SOX9: variants seen among roughly 807,000 people sequenced by gnomAD.
The protein encoded by SOX9 is SRY-box transcription factor 9.
SOX9 carries 2 observed loss-of-function variants against 44.8 expected under a neutral mutation model. That is an observed-to-expected ratio of 0.04 (90% CI 0.02 to 0.14). SOX9 has a LOEUF of 0.14. SOX9 is among the 10% of genes least tolerant of loss of function. The pLI, the probability that SOX9 is intolerant of heterozygous loss-of-function variation, is 1.00. For missense variants in SOX9, 583 were observed against 728.6 expected (o/e 0.80, Z 2.30); for synonymous variants, 381 against 331.8 (o/e 1.15, Z -1.61).
chr17:72,123,956 C>A lies in SOX9; in HGVS notation c.1099C>A (p.Pro367Thr), dbSNP rs542727010. The change falls in exon 3 of 3, where the codon CCA (proline) becomes ACA (threonine). Residue 367 changes from proline (P) to threonine (T), a missense_variant. Around this residue, in one of 7 missense-constraint regions of SOX9, gnomAD observed 349 missense variants for 387.0 expected, o/e 0.90. Coordinates refer to ENST00000245479, the MANE Select transcript of SOX9 (RefSeq NM_000346.4). This position sits in a 1 kb window ranked among gnomAD's most constrained non-coding sequence, Gnocchi z 6.5. ...QAPPQPQAAP[P>T]QQPAAPPQQP... ...GCCCCCGCAGCCGCAGGCGGCGCCC[C>A]CACAGCAGCCGGCGGCACCCCCGCA... 1 of 1,450,536 alleles carries A rather than the reference C, an allele frequency of 6.9e-7. No individual in the cohort carries two copies. The highest frequency in any genetic ancestry group is 9.1e-7 in the Non-Finnish European group (1 of 1,104,480). The allele number at this position is 1,450,536 out of a possible 1,614,324, so 89.9% of individuals were successfully genotyped here. A position where few individuals can be genotyped will look rare whatever the true frequency, so the allele number is the denominator to read the frequency against.
chr17:72,123,859 G>T lies in SOX9; in HGVS notation c.1002G>T (p.Val334=). ...CCACCCCGGCGAGCGCGGGCCACGT[G>T]TGGATGTCCAAGCAGCAGGCGCCGC... ...TAATPASAGH[V]WMSKQQAPPP... Residue 334 remains valine, a synonymous_variant, in exon 3 of 3, where the codon GTG becomes GTT. Transcript: ENST00000245479. This position sits in a 1 kb window ranked among gnomAD's most constrained non-coding sequence, Gnocchi z 6.5. 1.3e-6 allele frequency: 2 copies of T among 1,579,594 alleles called. No homozygotes were observed. The highest frequency in any genetic ancestry group is 1.7e-6 in the Non-Finnish European group (2 of 1,164,114).
In SOX9 at chr17:72,121,140, C is replaced by T. The variant is rs867825417; in HGVS notation, c.-252C>T. The T allele has an allele frequency of 3.5e-4, 202 of 571,596 alleles. 1 individual carries two copies. The Middle Eastern group carries it at 7.4e-3, about 21-fold the overall frequency. 35.4% of individuals were successfully genotyped at this position (571,596 alleles called of 1,614,324 possible). ...AAGAGAAGGGGTGCAAGCGCCCCCA[C>T]TTTTGCTCTTTTTCCTCCCCTCCTC... On this transcript the variant is annotated 5_prime_UTR_variant, in exon 1 of 3. Coordinates refer to ENST00000245479, the MANE Select transcript of SOX9 (RefSeq NM_000346.4). This position sits in a 1 kb window ranked among gnomAD's most constrained non-coding sequence, Gnocchi z 8.3.
rs1455014392 is a variant in SOX9, at chr17:72,123,754, G to C, written c.897G>C (p.Pro299=). 11 of 1,613,454 alleles carry C rather than the reference G, an allele frequency of 6.8e-6. No individual in the cohort carries two copies. The Admixed American group carries it at 1.8e-4, about 27-fold the overall frequency. Residue 299 remains proline (P), a synonymous_variant, in exon 3 of 3, where the codon CCG becomes CCC. Coordinates refer to ENST00000245479, the MANE Select transcript of SOX9 (RefSeq NM_000346.4). The surrounding 1 kb of genome is among the most constrained non-coding windows in gnomAD (Gnocchi z 6.5). The part of the protein sequence containing the change: ...FDVNEFDQYL[P]PNGHPGVPAT... ...TCAACGAGTTTGACCAGTACCTGCC[G>C]CCCAACGGCCACCCGGGGGTGCCGG... is the stretch of plus-strand genomic sequence containing the variant.
In SOX9 at chr17:72,124,290, C is replaced by T. The variant is rs2143257987; in HGVS notation, c.1433C>T (p.Thr478Ile). 4.3e-6 allele frequency: 7 copies of T among 1,610,190 alleles called. No individual in the cohort carries two copies. Among genetic ancestry groups the T allele is most frequent in the Non-Finnish European group, 5.9e-6 (7 of 1,179,992 alleles). ...YMNPAQRPMY[T>I]PIADTSGVPS... Reference sequence around the variant, plus strand: ...AACCCCGCTCAGCGCCCCATGTACACCCCCATCGCCGACACCTCTGGGGTC... The same window carrying T: ...AACCCCGCTCAGCGCCCCATGTACATCCCCATCGCCGACACCTCTGGGGTC... Residue 478 changes from threonine to isoleucine, a missense_variant, in exon 3 of 3, where the codon ACC becomes ATC. Transcript: ENST00000245479. This position sits in a 1 kb window ranked among gnomAD's most constrained non-coding sequence, Gnocchi z 4.6.
At position 72,123,119 on chromosome 17, in the gene SOX9, AC is replaced by A; in HGVS notation, c.685+150del. 1 of 956,348 alleles carries A rather than the reference AC, an allele frequency of 1.0e-6. No homozygotes were observed. The highest frequency in any genetic ancestry group is 1.6e-6 in the Non-Finnish European group (1 of 631,054). 59.2% of individuals were successfully genotyped at this position (956,348 alleles called of 1,614,324 possible). On this transcript the variant is annotated intron_variant, in intron 2 of 2. Coordinates refer to ENST00000245479, the MANE Select transcript of SOX9 (RefSeq NM_000346.4). This position sits in a 1 kb window ranked among gnomAD's most constrained non-coding sequence, Gnocchi z 6.5. ...TTGCGCCCGTCCCGCTCCCCTCTCTACCCAGAGCCTAAGAGGCATCCAAACA... is the reference window on the plus strand; with the variant it reads ...TTGCGCCCGTCCCGCTCCCCTCTCTACCAGAGCCTAAGAGGCATCCAAACA...
At position 72,126,177 on chromosome 17, in the gene SOX9, T is replaced by G. The variant is rs921279891; in HGVS notation, c.*1790T>G. The G allele has an allele frequency of 4.3e-6, 1 of 232,686 alleles. No homozygotes were observed. The highest frequency in any genetic ancestry group is 8.5e-6 in the Non-Finnish European group (1 of 117,552). 14.4% of individuals were successfully genotyped at this position (232,686 alleles called of 1,614,324 possible). ...CACTCATAATATGGCATCCTTCAAT[T>G]TCTGTATAAAAGCAGATCTTTTTAA... On this transcript the variant is annotated 3_prime_UTR_variant, in exon 3 of 3. Coordinates refer to ENST00000245479, the MANE Select transcript of SOX9 (RefSeq NM_000346.4).
chr17:72,124,820 A>G lies in SOX9; in HGVS notation c.*433A>G. The G allele has an allele frequency of 2.8e-6, 1 of 354,970 alleles. No homozygotes were observed. Among genetic ancestry groups the G allele is most frequent in the Non-Finnish European group, 5.3e-6 (1 of 190,430 alleles). The allele number at this position is 354,970 out of a possible 1,614,324, so 22.0% of individuals were successfully genotyped here. A position where few individuals can be genotyped will look rare whatever the true frequency, so the allele number is the denominator to read the frequency against. ...AAGTCCTCTGTGAGGAATATTCTCT[A>G]TTTTAAATATTTTTAGTATGTACTG... On this transcript the variant is annotated 3_prime_UTR_variant, in exon 3 of 3. Coordinates refer to ENST00000245479, the MANE Select transcript of SOX9 (RefSeq NM_000346.4). The surrounding 1 kb of genome is among the most constrained non-coding windows in gnomAD (Gnocchi z 4.6).
rs1370029373 is a variant in SOX9 at position 72,121,562 on chromosome 17, G to T, written c.171G>T (p.Glu57Asp). 3.1e-6 allele frequency: 5 copies of T among 1,609,312 alleles called. No individual in the cohort carries two copies. Among genetic ancestry groups the T allele is most frequent in the African/African-American group, 1.3e-5 (1 of 74,936 alleles). ...RPQENTFPKG[E>D]PDLKKESEED... ...AGGAGAACACGTTCCCCAAGGGCGA[G>T]CCCGATCTGAAGAAGGAGAGCGAGG... is the stretch of plus-strand genomic sequence containing the variant. The change falls in exon 1 of 3, where the codon GAG becomes GAT. Residue 57 changes from glutamate to aspartate, a missense_variant. Around this residue, in one of 7 missense-constraint regions of SOX9, gnomAD observed 101 missense variants for 98.6 expected, o/e 1.02. Transcript: ENST00000245479. This position sits in a 1 kb window ranked among gnomAD's most constrained non-coding sequence, Gnocchi z 8.3.
rs1449277779 is a variant in SOX9, at chr17:72,121,760, C to T, written c.369C>T (p.Leu123=). ...MVWAQAARRK[L]ADQYPHLHNA... ...GGGCGCAGGCGGCGCGCAGGAAGCT[C>T]GCGGACCAGTACCCGCACTTGCACA... The change falls in exon 1 of 3, where the codon CTC becomes CTT. Residue 123 remains leucine, a synonymous_variant. Coordinates refer to ENST00000245479, the MANE Select transcript of SOX9 (RefSeq NM_000346.4). The surrounding 1 kb of genome is among the most constrained non-coding windows in gnomAD (Gnocchi z 8.3). The T allele has an allele frequency of 2.5e-6, 4 of 1,601,072 alleles. No individual in the cohort carries two copies. The highest frequency in any genetic ancestry group is 1.3e-5 in the African/African-American group (1 of 74,884).
rs1908269512 is a variant in SOX9 at position 72,125,890 on chromosome 17, TTA to T, written c.*1507_*1508del. 2 of 232,360 alleles carry T rather than the reference TTA, an allele frequency of 8.6e-6. No homozygotes were observed. Among genetic ancestry groups the T allele is most frequent in the East Asian group, 6.1e-5 (1 of 16,446 alleles). The allele number at this position is 232,360 out of a possible 1,614,324, so 14.4% of individuals were successfully genotyped here. A position where few individuals can be genotyped will look rare whatever the true frequency, so the allele number is the denominator to read the frequency against. ...TTCTGCCACAGACCTTTGGGCTGCC[TTA>T]TATTGTGTGTGTGTGTGGGTGTGTG... On this transcript the variant is annotated 3_prime_UTR_variant, in exon 3 of 3. Coordinates refer to ENST00000245479, the MANE Select transcript of SOX9 (RefSeq NM_000346.4).
rs761105285 is a variant in SOX9 at position 72,123,850 on chromosome 17, G to A, written c.993G>A (p.Ala331=). The change falls in exon 3 of 3, where the codon GCG becomes GCA. Residue 331 remains alanine, a synonymous_variant. Transcript: ENST00000245479. The surrounding 1 kb of genome is among the most constrained non-coding windows in gnomAD (Gnocchi z 6.5). ...ISSTAATPAS[A]GHVWMSKQQA... ...GCACCGCGGCCACCCCGGCGAGCGC[G>A]GGCCACGTGTGGATGTCCAAGCAGC... 9.3e-4 allele frequency: 1,476 copies of A among 1,591,168 alleles called. 2 individuals carry two copies. The highest frequency in any genetic ancestry group is 1.2e-3 in the Non-Finnish European group (1,420 of 1,170,226).
In SOX9 at chr17:72,124,481, GTTTT is replaced by G; in HGVS notation, c.*98_*101del. 6 of 1,427,928 alleles carry G rather than the reference GTTTT, an allele frequency of 4.2e-6. No individual in the cohort carries two copies. The highest frequency in any genetic ancestry group is 5.8e-6 in the Non-Finnish European group (6 of 1,029,514). The allele number at this position is 1,427,928 out of a possible 1,614,324, so 88.5% of individuals were successfully genotyped here. A position where few individuals can be genotyped will look rare whatever the true frequency, so the allele number is the denominator to read the frequency against. On this transcript the variant is annotated 3_prime_UTR_variant, in exon 3 of 3. Transcript: ENST00000245479. The surrounding 1 kb of genome is among the most constrained non-coding windows in gnomAD (Gnocchi z 4.6). ...ACCAGAATTCCCTTTGGACATTTGT[GTTTT>G]TTTGTTTTTTTATTTTGTTTTGTTT...
chr17:72,125,356 C>G lies in SOX9; in HGVS notation c.*969C>G, dbSNP rs1301650901. 1 of 228,052 alleles carries G rather than the reference C, an allele frequency of 4.4e-6. No individual in the cohort carries two copies. The highest frequency in any genetic ancestry group is 5.7e-5 in the Admixed American group (1 of 17,558). The allele number at this position is 228,052 out of a possible 1,614,324, so 14.1% of individuals were successfully genotyped here. ...GCAAGCAAAGGAGATGAAATCTGTTCTGGGAATGTTTCAGCAGCCAATAAG... is the reference window on the plus strand; with the variant it reads ...GCAAGCAAAGGAGATGAAATCTGTTGTGGGAATGTTTCAGCAGCCAATAAG... On this transcript the variant is annotated 3_prime_UTR_variant, in exon 3 of 3. Coordinates refer to ENST00000245479, the MANE Select transcript of SOX9 (RefSeq NM_000346.4).
rs1908097852 is a variant in SOX9 at position 72,121,655 on chromosome 17, G to A, written c.264G>A (p.Leu88=). 6.2e-7 allele frequency: 1 copy of A among 1,600,120 alleles called. No homozygotes were observed. Among genetic ancestry groups the A allele is most frequent in the Non-Finnish European group, 8.5e-7 (1 of 1,173,874 alleles). The change falls in exon 1 of 3, where the codon CTG becomes CTA. Residue 88 remains leucine (L), a synonymous_variant. Transcript: ENST00000245479. This position sits in a 1 kb window ranked among gnomAD's most constrained non-coding sequence, Gnocchi z 8.3. ...TGCTCAAAGGCTACGACTGGACGCT[G>A]GTGCCCATGCCGGTGCGCGTCAACG... ...SQVLKGYDWT[L]VPMPVRVNGS...
chr17:72,124,385 TGAG>T lies in SOX9; in HGVS notation c.*3_*5del, dbSNP rs756624541. 2 of 1,600,076 alleles carry T rather than the reference TGAG, an allele frequency of 1.2e-6. No homozygotes were observed. Among genetic ancestry groups the T allele is most frequent in the Admixed American group, 1.7e-5 (1 of 60,020 alleles). On this transcript the variant is annotated stop_retained_variant and 3_prime_UTR_variant, in exon 3 of 3. Coordinates refer to ENST00000245479, the MANE Select transcript of SOX9 (RefSeq NM_000346.4). The surrounding 1 kb of genome is among the most constrained non-coding windows in gnomAD (Gnocchi z 4.6). The stretch of plus-strand genomic sequence containing the variant: ...CGTCTACACACAGCTCACTCGACCT[TGAG>T]GAGGCCTCCCACGAAGGGCGAAGAT...
At position 72,123,992 on chromosome 17, in the gene SOX9, G is replaced by T; in HGVS notation, c.1135G>T (p.Ala379Ser). The T allele has an allele frequency of 1.3e-6, 2 of 1,590,790 alleles. No individual in the cohort carries two copies. The highest frequency in any genetic ancestry group is 1.1e-5 in the South Asian group (1 of 88,842). The change falls in exon 3 of 3, where the codon GCG (alanine) becomes TCG (serine). Residue 379 changes from alanine to serine, a missense_variant. Physicochemically the swap from Ala to Ser is moderately conservative, Grantham distance 99. Transcript: ENST00000245479. This position sits in a 1 kb window ranked among gnomAD's most constrained non-coding sequence, Gnocchi z 6.5. The part of the protein sequence containing the change: ...QPAAPPQQPQ[A>S]HTLTTLSSEP... ...GGCGGCACCCCCGCAGCAGCCACAG[G>T]CGCACACGCTGACCACGCTGAGCAG...
Position 72,121,295 on chromosome 17 carries a change from C to G in SOX9, c.-97C>G. ...CCCCGGGAGCCGCTTGCTCCGCATC[C>G]GGGCAGCCGAGGGGAGAGGAGCCCG... On this transcript the variant is annotated 5_prime_UTR_variant, in exon 1 of 3. Coordinates refer to ENST00000245479, the MANE Select transcript of SOX9 (RefSeq NM_000346.4). This position sits in a 1 kb window ranked among gnomAD's most constrained non-coding sequence, Gnocchi z 8.3. 8.7e-7 allele frequency: 1 copy of G among 1,153,718 alleles called. No homozygotes were observed. Among genetic ancestry groups the G allele is most frequent in the Non-Finnish European group, 1.3e-6 (1 of 786,714 alleles). 71.5% of individuals were successfully genotyped at this position (1,153,718 alleles called of 1,614,324 possible).
Position 72,124,681 on chromosome 17 carries a change from T to A in SOX9, c.*294T>A, listed in dbSNP as rs1908230066. 1.9e-6 allele frequency: 1 copy of A among 528,904 alleles called. No individual in the cohort carries two copies. Among genetic ancestry groups the A allele is most frequent in the South Asian group, 2.1e-5 (1 of 48,368 alleles). 32.8% of individuals were successfully genotyped at this position (528,904 alleles called of 1,614,324 possible). ...GAAATCAACGAGAAACTGGACTTTT[T>A]AAACCCTCTTCAGAGCAAGCGTGGA... On this transcript the variant is annotated 3_prime_UTR_variant, in exon 3 of 3. Coordinates refer to ENST00000245479, the MANE Select transcript of SOX9 (RefSeq NM_000346.4). This position sits in a 1 kb window ranked among gnomAD's most constrained non-coding sequence, Gnocchi z 4.6.
In SOX9 at chr17:72,121,951, G is replaced by A. The variant is rs1908109687; in HGVS notation, c.431+129G>A. The A allele has an allele frequency of 8.6e-7, 1 of 1,163,786 alleles. No individual in the cohort carries two copies. The highest frequency in any genetic ancestry group is 1.2e-6 in the Non-Finnish European group (1 of 849,450). 72.1% of individuals were successfully genotyped at this position (1,163,786 alleles called of 1,614,324 possible). On this transcript the variant is annotated intron_variant, in intron 1 of 2. Coordinates refer to ENST00000245479, the MANE Select transcript of SOX9 (RefSeq NM_000346.4). The surrounding 1 kb of genome is among the most constrained non-coding windows in gnomAD (Gnocchi z 8.3). ...CCGTTCCGGGAGCCGGCGGGATGGG[G>A]TTGGGAGTGGGAATGGGGTGTAACT... is the stretch of plus-strand genomic sequence containing the variant.
Sources: gnomAD v4.1 joint callset for allele counts on GRCh38, gnomAD v4.1.1 for gene constraint, gnomAD v4.1.1 regional missense constraint, Gnocchi (gnomAD v3.1) non-coding constraint, MANE v1.5 for transcripts, NCBI Gene and HGNC (gene_info 2026-07-23, HGNC 2026-07-21) for gene names.